The following SNX30 variants were observed in gnomAD, a reference collection of about 807,000 sequenced individuals.
SNX30 encodes the protein sorting nexin-30.
SNX30 carries 24 observed loss-of-function variants against 46.4 expected under a neutral mutation model. The ratio of observed to expected loss-of-function variants is 0.52; its 90% CI spans 0.37 to 0.73. SNX30 has a LOEUF of 0.73. Ranked by LOEUF, SNX30 falls within the 30% of genes least tolerant of loss-of-function variation. The pLI is 0.00. For missense variants in SNX30, 533 were observed against 555.7 expected (o/e 0.96, Z 0.41); for synonymous variants, 189 against 211.5 (o/e 0.89, Z 0.92).
chr9:112,871,065 C>A lies in SNX30; in HGVS notation c.*2222C>A, dbSNP rs1460141173. On this transcript the variant is annotated 3_prime_UTR_variant, in exon 9 of 9. Transcript: ENST00000374232. ...TGGGACGCACGCGGTCACTCCCTCT[C>A]CTAGTGAGAGGCAGATGGCTGGCTC... is the stretch of plus-strand genomic sequence containing the variant. 6.6e-6 allele frequency: 1 copy of A among 152,244 alleles called. No homozygotes were observed. The highest frequency in any genetic ancestry group is 2.4e-5 in the African/African-American group (1 of 41,452). 9.4% of individuals were successfully genotyped at this position (152,244 alleles called of 1,614,324 possible).
intron 1 of SNX30, among the ~76,000 whole-genome samples, chr9:112,788,332 C>T (rs1839963747): frequency 6.6e-6 from 1 of 152,108 alleles, no homozygotes; most frequent in Non-Finnish European, 1.5e-5. Flanking sequence ...TCCTTAGGCA[C>T]CTGACTTCTT....
intron 6 of SNX30, among the ~76,000 whole-genome samples, chr9:112,845,822 TG>T (rs1166015089): frequency 6.6e-6 from 1 of 152,208 alleles, no homozygotes; most frequent in Non-Finnish European, 1.5e-5. Flanking sequence ...TCCATTTCCA[TG>T]GAGTTTCCCT....
chr9:112,795,602 A>G (rs1397872003), intron 1 of SNX30, among the ~76,000 whole-genome samples: 1 of 152,120 alleles, frequency 6.6e-6, no homozygotes, highest in Non-Finnish European at 1.5e-5. Flanking sequence ...TTCGAGAACT[A>G]ACTTCATACT....
chr9:112,806,248 C>G (rs1840222898), intron 2 of SNX30, among the ~76,000 whole-genome samples: 1 of 152,062 alleles, frequency 6.6e-6, no homozygotes, highest in South Asian at 2.1e-4. Context: ...GCCACCCCAC[C>G]CCCGACCAGT....
Position 112,758,164 on chromosome 9 carries a change from T to C in SNX30, c.156+7007T>C, listed in dbSNP as rs556966028. On this transcript the variant is annotated intron_variant, in intron 1 of 8. Transcript: ENST00000374232. ...CATAGCCATGTTTTCTTTCTGGCCC[T>C]TGTTCCAAGGAGAGAGTCTAAGGCT... Among the ~76,000 whole-genome samples, 5 of 152,260 alleles carry C rather than the reference T, an allele frequency of 3.3e-5. No homozygotes were observed. The East Asian group carries it at 9.6e-4, about 29-fold the overall frequency.
chr9:112,782,669 A>G (rs1839864778), intron 1 of SNX30, among the ~76,000 whole-genome samples: 1 of 34,650 alleles, frequency 2.9e-5, no homozygotes, highest in Non-Finnish European at 8.0e-5. Context: ...TTGAAGTTCC[A>G]TAGTTATCAT....
intron 2 of SNX30, among the ~76,000 whole-genome samples, chr9:112,812,531 G>A (rs1317881992): frequency 2.6e-5 from 4 of 152,142 alleles, no homozygotes; most frequent in African/African-American, 9.7e-5. Context: ...TGGGATTACA[G>A]GTGTGAGCCA....
chr9:112,865,966 C>T (rs1351659869), intron 8 of SNX30, among the ~76,000 whole-genome samples: 1 of 151,878 alleles, frequency 6.6e-6, no homozygotes, highest in African/African-American at 2.4e-5. Flanking sequence ...GTAATTAATC[C>T]CAGCGTTCCT....
At chr9:112,763,720 G>A (rs952684213) in intron 1 of SNX30, among the ~76,000 whole-genome samples, 10 of 151,858 alleles carry the variant, frequency 6.6e-5, no homozygotes, top group East Asian at 1.9e-4. Context: ...ATGGCGGCGC[G>A]TGCCTGTAAT....
At chr9:112,832,735 T>C (rs1478283047) in intron 4 of SNX30, among the ~76,000 whole-genome samples, 2 of 149,034 alleles carry the variant, frequency 1.3e-5, no homozygotes, top group East Asian at 3.9e-4. Context: ...ATGTAACAAA[T>C]CTGCACGTTG....
chr9:112,854,444 G>T (rs1453537991), intron 7 of SNX30, among the ~76,000 whole-genome samples: 1 of 152,194 alleles, frequency 6.6e-6, no homozygotes, highest in Non-Finnish European at 1.5e-5. Context: ...GAGGCTAAGG[G>T]TTTGCCCCAG....
At chr9:112,852,220 C>T (rs80312642) in intron 7 of SNX30, among the ~76,000 whole-genome samples, 1,902 of 151,424 alleles carry the variant, frequency 0.013, 13 homozygotes, top group Non-Finnish European at 0.019. Flanking sequence ...GGCCACTGCA[C>T]CCCAGCCTGG....
intron 1 of SNX30, among the ~76,000 whole-genome samples, chr9:112,770,996 AAAAC>A (rs1839639523): frequency 3.3e-5 from 5 of 152,214 alleles, no homozygotes; most frequent in South Asian, 2.1e-4. Flanking sequence ...CTCTGTGTCA[AAAAC>A]AAACAAATAA....
chr9:112,864,148 G>A, intron 7 of SNX30, 99 bp from the exon 8 acceptor site: 5 of 1,280,950 alleles, frequency 3.9e-6, no homozygotes, highest in East Asian at 2.4e-5. Context: ...GCATTTTAAT[G>A]TAGGGCTTTG....
At chr9:112,777,185 T>C (rs927212116) in intron 1 of SNX30, among the ~76,000 whole-genome samples, 7 of 152,214 alleles carry the variant, frequency 4.6e-5, no homozygotes, top group South Asian at 4.1e-4. Context: ...AAATTTCTTA[T>C]TGATTGATGG....
chr9:112,830,603 A>T, intron 3 of SNX30, 122 bp from the exon 4 acceptor site: 1 of 835,798 alleles, frequency 1.2e-6, no homozygotes, highest in East Asian at 2.6e-5. Context: ...CTACATGAAG[A>T]TCTGCCTGAT....
chr9:112,789,007 G>A (rs1319568675), intron 1 of SNX30, among the ~76,000 whole-genome samples: 1 of 152,092 alleles, frequency 6.6e-6, no homozygotes, highest in Non-Finnish European at 1.5e-5. Flanking sequence ...TGTTGCCCAG[G>A]CTGGTCTTGA....
intron 3 of SNX30, among the ~76,000 whole-genome samples, chr9:112,829,885 ATCT>A (rs1411334392): frequency 1.3e-5 from 2 of 152,110 alleles, no homozygotes; most frequent in African/African-American, 4.8e-5. Context: ...CCATTTGGAT[ATCT>A]TCTTTAGAGA....
chr9:112,754,813 A>T (rs562718654), intron 1 of SNX30, among the ~76,000 whole-genome samples: 84 of 152,176 alleles, frequency 5.5e-4, no homozygotes, highest in Admixed American at 9.2e-4. Context: ...CTCAGCCTCT[A>T]ACTTCTGTAC....
Sources: allele counts gnomAD v4.1 joint callset (sites outside exome capture counted in the v4.1 genomes callset), GRCh38; gene constraint gnomAD v4.1.1; transcripts MANE v1.5; gene names NCBI Gene and HGNC (gene_info 2026-07-23, HGNC 2026-07-21).